NRXN3: variants seen among roughly 807,000 people sequenced by gnomAD.
NRXN3 encodes the protein neurexin III.
In NRXN3, 32 loss-of-function variants were observed where a neutral mutation model predicts 137.6. The observed-to-expected ratio is 0.23, with a 90% CI of 0.18 to 0.31. The LOEUF (loss-of-function observed/expected upper bound fraction) is 0.31. Among genes scored for constraint, NRXN3 ranks in the 10% least tolerant of loss-of-function variants. The pLI is 1.00. For synonymous variants in NRXN3, 798 were observed against 784.5 expected, an observed-to-expected ratio of 1.02 and a Z score of -0.29; for missense variants, 1,574 against 2,062.5, an observed-to-expected ratio of 0.76 and a Z score of 4.59.
At position 79,447,499 on chromosome 14, in the gene NRXN3, A is replaced by G. The variant is rs1032840646; in HGVS notation, c.3263-19722A>G. Among the ~76,000 whole-genome samples the G allele has an allele frequency of 3.9e-5, 6 of 152,350 alleles. No individual in the cohort carries two copies. The South Asian group carries it at 1.2e-3, about 32-fold the overall frequency. ...AAATAAGATAACTAATTTAGATTGA[A>G]TGTGTTTATCCTACCAGGGTCCAAA... On this transcript the variant is annotated intron_variant, in intron 15 of 20. Coordinates refer to ENST00000335750, the MANE Select transcript of NRXN3 (RefSeq NM_001330195.2).
chr14:78,447,834 T>C (rs1314846615), intron 4 of NRXN3, among the ~76,000 whole-genome samples: 7 of 152,252 alleles, frequency 4.6e-5, no homozygotes, highest in African/African-American at 1.7e-4. Flanking sequence ...TTTCTTCATC[T>C]GTGAAATGGG....
At chr14:79,059,319 A>T (rs549362819) in intron 15 of NRXN3, among the ~76,000 whole-genome samples, 434 of 130,918 alleles carry the variant, frequency 3.3e-3, no homozygotes, top group Non-Finnish European at 5.5e-3. Flanking sequence ...GTACAGTGGC[A>T]CCATCTCGGC....
In NRXN3 at chr14:79,306,248, C is replaced by T. The variant is rs1007704518; in HGVS notation, c.3263-160973C>T. 5.9e-5 allele frequency among the ~76,000 whole-genome samples: 9 copies of T among 152,176 alleles called. No individual in the cohort carries two copies. In the South Asian group the frequency reaches 6.2e-4, roughly 11 times the overall value. On this transcript the variant is annotated intron_variant, in intron 15 of 20. Transcript: ENST00000335750. The stretch of plus-strand genomic sequence containing the variant: ...TAAAAAACAAGACATCACAGCCACA[C>T]TATACTGTATATTCATTCCCCCTGA...
intron 15 of NRXN3, among the ~76,000 whole-genome samples, chr14:79,444,417 G>T (rs892150281): frequency 6.6e-6 from 1 of 152,086 alleles, no homozygotes; most frequent in Non-Finnish European, 1.5e-5. Context: ...CGGATTTGTC[G>T]CGCTCCCCTT....
At chr14:79,704,918 C>T (rs775385536) in intron 19 of NRXN3, among the ~76,000 whole-genome samples, 2 of 152,110 alleles carry the variant, frequency 1.3e-5, no homozygotes, top group Non-Finnish European at 2.9e-5. Context: ...GTTGGCAGTA[C>T]AAATAGGCAA....
chr14:78,708,892 T>C (rs1327400476), intron 6 of NRXN3, among the ~76,000 whole-genome samples: 1 of 152,240 alleles, frequency 6.6e-6, no homozygotes, highest in African/African-American at 2.4e-5. Flanking sequence ...TAAATCACTT[T>C]GTATGAAGTA....
At chr14:79,571,117 C>A (rs1399170197) in intron 16 of NRXN3, among the ~76,000 whole-genome samples, 4 of 152,106 alleles carry the variant, frequency 2.6e-5, no homozygotes. Context: ...AAATGCTATT[C>A]ATTCTTCCCT....
At chr14:78,788,530 G>T (rs943904311) in intron 8 of NRXN3, among the ~76,000 whole-genome samples, 1 of 152,042 alleles carries the variant, frequency 6.6e-6, no homozygotes, top group Non-Finnish European at 1.5e-5. Context: ...ATGAGATCTG[G>T]GTATTTAATT....
At chr14:78,341,975 A>G (rs60985123) in intron 4 of NRXN3, among the ~76,000 whole-genome samples, 77 of 152,286 alleles carry the variant, frequency 5.1e-4, no homozygotes, top group African/African-American at 1.8e-3. Context: ...TGCTCTCTAC[A>G]CGTAAGGTGT....
chr14:78,365,533 A>G (rs560636625), intron 4 of NRXN3, among the ~76,000 whole-genome samples: 2 of 152,280 alleles, frequency 1.3e-5, no homozygotes, highest in East Asian at 1.9e-4. Context: ...CTCATATTCT[A>G]TTGGCTAGAA....
intron 15 of NRXN3, among the ~76,000 whole-genome samples, chr14:79,341,057 A>G (rs928741611): frequency 1.3e-5 from 2 of 152,226 alleles, no homozygotes. Context: ...CTGGGTCTCA[A>G]TGTAGGTCTC....
At chr14:78,849,984 C>T (rs77686331) in intron 10 of NRXN3, among the ~76,000 whole-genome samples, 4 of 152,042 alleles carry the variant, frequency 2.6e-5, no homozygotes, top group Non-Finnish European at 5.9e-5. Context: ...CTTTGATGTA[C>T]CACATATGGA....
At chr14:79,534,198 C>T (rs974564657) in intron 16 of NRXN3, among the ~76,000 whole-genome samples, 6 of 152,178 alleles carry the variant, frequency 3.9e-5, no homozygotes, top group South Asian at 2.1e-4. Context: ...CTGGTTTATT[C>T]CACCTCTCTA....
chr14:79,661,970 T>C (rs1334975361), intron 16 of NRXN3, among the ~76,000 whole-genome samples: 1 of 152,100 alleles, frequency 6.6e-6, no homozygotes, highest in Non-Finnish European at 1.5e-5. Context: ...TTGGCTCATG[T>C]GAGCAGTTAC....
chr14:79,474,202 T>C (rs1271800531), intron 16 of NRXN3, among the ~76,000 whole-genome samples: 1 of 152,172 alleles, frequency 6.6e-6, no homozygotes, highest in Non-Finnish European at 1.5e-5. Context: ...TTCAGCTTCC[T>C]CTTCTTATAA....
chr14:79,061,205 C>T (rs1256616321), intron 15 of NRXN3, among the ~76,000 whole-genome samples: 3 of 152,066 alleles, frequency 2.0e-5, no homozygotes, highest in African/African-American at 7.2e-5. Flanking sequence ...TAAAGAGATC[C>T]CATCTTTGTT....
chr14:78,917,622 A>G (rs2099259056), intron 10 of NRXN3, among the ~76,000 whole-genome samples: 1 of 152,182 alleles, frequency 6.6e-6, no homozygotes, highest in Non-Finnish European at 1.5e-5. Flanking sequence ...CTGATGAAAG[A>G]AGGTGTAGAA....
intron 15 of NRXN3, among the ~76,000 whole-genome samples, chr14:79,100,990 A>G (rs895881053): frequency 2.0e-5 from 3 of 152,216 alleles, no homozygotes; most frequent in Non-Finnish European, 4.4e-5. Context: ...GTTCATAATT[A>G]ATAATCCCTT....
At position 79,865,079 on chromosome 14, in the gene NRXN3, G is replaced by GTAC. The variant is rs1478057120; in HGVS notation, c.*3116_*3118dup. ...ATACTATGTTTTTTAAAGGCATTTCGTACCTTTTACGTATTTTCTATAAGT... is the reference window on the plus strand; with the variant it reads ...ATACTATGTTTTTTAAAGGCATTTCGTACTACCTTTTACGTATTTTCTATAAGT... On this transcript the variant is annotated 3_prime_UTR_variant, in exon 21 of 21. Transcript: ENST00000335750. 6.6e-6 allele frequency: 1 copy of GTAC among 152,112 alleles called. No homozygotes were observed. Among genetic ancestry groups the GTAC allele is most frequent in the African/African-American group, 2.4e-5 (1 of 41,404 alleles). The allele number at this position is 152,112 out of a possible 1,614,324, so 9.4% of individuals were successfully genotyped here. A position where few individuals can be genotyped will look rare whatever the true frequency, so the allele number is the denominator to read the frequency against.
Sources: allele counts gnomAD v4.1 joint callset (sites outside exome capture counted in the v4.1 genomes callset), GRCh38; gene constraint gnomAD v4.1.1; transcripts MANE v1.5; gene names NCBI Gene and HGNC (gene_info 2026-07-23, HGNC 2026-07-21).